Variants in PARP6 observed in about 807,000 individuals in gnomAD.
The protein encoded by PARP6 is poly(ADP-ribose) polymerase family member 6.
A neutral mutation model predicts 92.0 loss-of-function variants in PARP6; 27 were observed. The ratio of observed to expected loss-of-function variants is 0.29; its 90% confidence interval spans 0.22 to 0.40. The LOEUF (loss-of-function observed/expected upper bound fraction) is 0.40. Ranked by LOEUF, PARP6 falls within the 10% of genes least tolerant of loss-of-function variation. PARP6 has a pLI of 1.00. For missense variants in PARP6, 501 were observed against 784.5 expected (o/e 0.64, Z 4.32); for synonymous variants, 272 against 281.2 (o/e 0.97, Z 0.33).
Position 72,265,089 on chromosome 15 carries a change from T to A in PARP6, c.320A>T (p.Asp107Val). 6.2e-7 allele frequency: 1 copy of A among 1,611,022 alleles called. No homozygotes were observed. Among genetic ancestry groups the A allele is most frequent in the Non-Finnish European group, 8.5e-7 (1 of 1,177,232 alleles). The change falls in exon 7 of 24, where the codon GAT becomes GTT. Residue 107 changes from aspartate to valine, a missense_variant. By Grantham distance (152) the Asp-to-Val change is radical. This residue lies in a region of PARP6 where 291 missense variants were observed against 352.0 expected (regional missense o/e 0.83). Transcript: ENST00000569795. ...AAAGTCACTGCCTTTACCTGGTCCA[T>A]CTAGGTACTGGGAGAGAGAAAATCG... ...RLRFSLSQYL[D>V]GPEPSIEVFQ...
intron 18 of PARP6, chr15:72,250,444 G>C (rs957857209): frequency 2.9e-5 from 9 of 311,838 alleles, no homozygotes; most frequent in Admixed American, 2.7e-4. Context: ...ATGGCTTCCA[G>C]TTCTGACTTC....
rs545730871 is a variant in PARP6, at chr15:72,256,604, A to G, written c.1000-14T>C. The G allele has an allele frequency of 7.9e-6, 12 of 1,513,354 alleles. No homozygotes were observed. In the African/African-American group the frequency reaches 8.6e-5, roughly 11 times the overall value. 93.7% of individuals were successfully genotyped at this position (1,513,354 alleles called of 1,614,324 possible). A position where few individuals can be genotyped will look rare whatever the true frequency, so the allele number is the denominator to read the frequency against. ...CAGATCCACCACCTTAGGGGAAAGG[A>G]AAAAAAACAGGGCAGAAGCTAAATG... On this transcript the variant is annotated splice_polypyrimidine_tract_variant and intron_variant, in intron 13 of 23. Transcript: ENST00000569795.
chr15:72,264,655 A>G (rs752670962), intron 7 of PARP6, 34 bp from the exon 8 acceptor site: 36 of 1,555,538 alleles, frequency 2.3e-5, no homozygotes, highest in Middle Eastern at 3.4e-4. Context: ...TAGTAAGTAC[A>G]TATCTCTTGT....
chr15:72,264,651 G>A (rs999257757), intron 7 of PARP6, 30 bp from the exon 8 acceptor site: 1 of 1,574,420 alleles, frequency 6.4e-7, no homozygotes, highest in Non-Finnish European at 8.7e-7. Context: ...CTACTAGTAA[G>A]TACATATCTC....
In PARP6 at chr15:72,245,725, G is replaced by T. The variant is rs1227833129; in HGVS notation, c.1562-3026C>A. Reference sequence around the variant, plus strand: ...ACCCTTTGAGAGAGGGAGATGAAAGGTGTCTATGATATCTTTATGTAATCG... The same window carrying T: ...ACCCTTTGAGAGAGGGAGATGAAAGTTGTCTATGATATCTTTATGTAATCG... On this transcript the variant is annotated intron_variant, in intron 20 of 23. Coordinates refer to ENST00000569795, the MANE Select transcript of PARP6 (RefSeq NM_001323532.2). 3 of 152,186 alleles carry T rather than the reference G, an allele frequency of 2.0e-5. No individual in the cohort carries two copies. In the East Asian group the frequency reaches 5.8e-4, roughly 29 times the overall value. 9.4% of individuals were successfully genotyped at this position (152,186 alleles called of 1,614,324 possible).
At chr15:72,270,615 T>C (rs959129881) in intron 2 of PARP6, among the ~76,000 whole-genome samples, 2 of 152,232 alleles carry the variant, frequency 1.3e-5, no homozygotes, top group Non-Finnish European at 2.9e-5. Context: ...TTGTCCCTGC[T>C]GTTCCCCTTT....
chr15:72,261,435 G>A, intron 9 of PARP6, 123 bp downstream of exon 9: 1 of 842,168 alleles, frequency 1.2e-6, no homozygotes. Flanking sequence ...TGTGAGTGGT[G>A]TCAGTAGTTA....
At chr15:72,256,399 G>C in intron 14 of PARP6, 66 bp downstream of exon 14, 1 of 1,324,516 alleles carries the variant, frequency 7.5e-7, no homozygotes, top group Non-Finnish European at 1.0e-6. Context: ...CAGAATGTCA[G>C]CCCATAGTCT....
In PARP6 at chr15:72,241,299, G is replaced by C. The variant is rs1450312421; in HGVS notation, c.*156C>G. 2.8e-6 allele frequency: 2 copies of C among 703,730 alleles called. No homozygotes were observed. Among genetic ancestry groups the C allele is most frequent in the Non-Finnish European group, 5.2e-6 (2 of 384,822 alleles). 43.6% of individuals were successfully genotyped at this position (703,730 alleles called of 1,614,324 possible). A position where few individuals can be genotyped will look rare whatever the true frequency, so the allele number is the denominator to read the frequency against. On this transcript the variant is annotated 3_prime_UTR_variant, in exon 24 of 24. Transcript: ENST00000569795. This position sits in a 1 kb window ranked among gnomAD's most constrained non-coding sequence, Gnocchi z 4.1. ...GAATGTGGAGTAGTTCTTGGGTCAA[G>C]CTCTACCATGAAGGCCACCTCTTAC...
intron 3 of PARP6, 123 bp from the exon 4 acceptor site, chr15:72,266,945 C>T (rs536428500): frequency 1.3e-6 from 1 of 757,288 alleles, no homozygotes; most frequent in African/African-American, 1.7e-5. Flanking sequence ...TAACTGAAGC[C>T]CTGATCCCTT....
chr15:72,261,602 G>C lies in PARP6; in HGVS notation c.501C>G (p.Ile167Met). 2 of 1,614,150 alleles carry C rather than the reference G, an allele frequency of 1.2e-6. No individual in the cohort carries two copies. The change falls in exon 9 of 24, where the codon ATC becomes ATG. Residue 167 changes from isoleucine (I) to methionine (M), a missense_variant. Transcript: ENST00000569795. The part of the protein sequence containing the change: ...RHSWFKASGT[I>M]KKFRAGLSIF... ...TGCTGAGGCCAGCTCGGAACTTCTT[G>C]ATGGTACCACTTGCCTTGAACCAAC...
intron 2 of PARP6, 134 bp downstream of exon 2, chr15:72,270,889 T>C (rs1317737995): frequency 2.0e-5 from 3 of 152,238 alleles, no homozygotes; most frequent in African/African-American, 7.2e-5. Flanking sequence ...AACACATTTC[T>C]TGAATGAGAG....
Position 72,242,735 on chromosome 15 carries a change from A to G in PARP6, c.1562-36T>C. 1 of 1,435,860 alleles carries G rather than the reference A, an allele frequency of 7.0e-7. No homozygotes were observed. The highest frequency in any genetic ancestry group is 1.2e-5 in the South Asian group (1 of 81,364). The allele number at this position is 1,435,860 out of a possible 1,614,324, so 88.9% of individuals were successfully genotyped here. The stretch of plus-strand genomic sequence containing the variant: ...ACAATACACCCACTTCATTTATCAA[A>G]AATTTACGAAAGTGCCTACTATGTC... On this transcript the variant is annotated intron_variant, in intron 20 of 23. Transcript: ENST00000569795. This position sits in a 1 kb window ranked among gnomAD's most constrained non-coding sequence, Gnocchi z 4.3.
intron 16 of PARP6, among the ~76,000 whole-genome samples, chr15:72,253,153 C>A (rs1297062449): frequency 3.6e-5 from 5 of 139,028 alleles, no homozygotes; most frequent in Admixed American, 1.5e-4. Context: ...CTAGCCGGGG[C>A]AACAGAGTGA....
At position 72,253,300 on chromosome 15, in the gene PARP6, T is replaced by G. The variant is rs1597010145; in HGVS notation, c.1259+137A>C. On this transcript the variant is annotated intron_variant, in intron 16 of 23. Transcript: ENST00000569795. The stretch of plus-strand genomic sequence containing the variant: ...TTCAAGGCAAGGTATGCCAACAAAC[T>G]CCAAGAAAAAGCACCCATTACTGCC... 7 of 498,262 alleles carry G rather than the reference T, an allele frequency of 1.4e-5. No homozygotes were observed. In the East Asian group the frequency reaches 2.2e-4, roughly 16 times the overall value. The allele number at this position is 498,262 out of a possible 1,614,324, so 30.9% of individuals were successfully genotyped here. A position where few individuals can be genotyped will look rare whatever the true frequency, so the allele number is the denominator to read the frequency against.
Position 72,259,664 on chromosome 15 carries a change from G to A in PARP6, c.757-3C>T. 1 of 1,613,726 alleles carries A rather than the reference G, an allele frequency of 6.2e-7. No homozygotes were observed. Among genetic ancestry groups the A allele is most frequent in the Non-Finnish European group, 8.5e-7 (1 of 1,179,706 alleles). ...ATGTTCTTGCAGTGACCACTGACCT[G>A]GTGAGAGTAAAAAGACAGACCCCGT... is the stretch of plus-strand genomic sequence containing the variant. On this transcript the variant is annotated splice_region_variant and splice_polypyrimidine_tract_variant and intron_variant, in intron 10 of 23. Coordinates refer to ENST00000569795, the MANE Select transcript of PARP6 (RefSeq NM_001323532.2).
intron 19 of PARP6, 129 bp downstream of exon 19, chr15:72,249,891 G>C (rs1364917775): frequency 4.6e-6 from 3 of 657,716 alleles, no homozygotes; most frequent in Non-Finnish European, 8.5e-6. Context: ...TTCCTCTCTA[G>C]GGAACTCCAC....
intron 20 of PARP6, chr15:72,244,259 T>C (rs1285657915): frequency 6.6e-6 from 1 of 152,244 alleles, no homozygotes; most frequent in Admixed American, 6.5e-5. Flanking sequence ...ATCTGATTTC[T>C]CTGGCAGGTC....
chr15:72,253,573 A>T, intron 15 of PARP6, 69 bp from the exon 16 acceptor site: 6 of 1,331,286 alleles, frequency 4.5e-6, no homozygotes, highest in Non-Finnish European at 6.4e-6. Context: ...TGCTTTTCAC[A>T]GAGTGACTAT....
Sources: gnomAD v4.1 joint callset for allele counts (sites outside exome capture counted in the v4.1 genomes callset) on GRCh38, gnomAD v4.1.1 for gene constraint, gnomAD v4.1.1 regional missense constraint, Gnocchi (gnomAD v3.1) non-coding constraint, MANE v1.5 for transcripts, NCBI Gene and HGNC (gene_info 2026-07-23, HGNC 2026-07-21) for gene names.